The following TNN variants were observed in gnomAD, a reference collection of about 807,000 sequenced individuals.
TNN encodes the protein tenascin-N.
A neutral mutation model predicts 134.4 loss-of-function variants in TNN; 122 were observed. The ratio of observed to expected loss-of-function variants is 0.91; its 90% CI spans 0.78 to 1.06. The LOEUF is 1.06. Ranked by LOEUF, TNN falls within the 50% of genes least tolerant of loss-of-function variation. The pLI is 0.00. For missense variants in TNN, 1,739 were observed against 1,699.4 expected (o/e 1.02, Z -0.41); for synonymous variants, 710 against 670.3 (o/e 1.06, Z -0.91).
intron 17 of TNN, among the ~76,000 whole-genome samples, chr1:175,141,710 G>A (rs1340842849): frequency 6.6e-6 from 1 of 152,186 alleles, no homozygotes; most frequent in Non-Finnish European, 1.5e-5. Context: ...GTGAATCCTA[G>A]AGGGGGAGAG....
intron 9 of TNN, among the ~76,000 whole-genome samples, chr1:175,103,037 TAGA>T (rs538577569): frequency 6.8e-6 from 1 of 146,302 alleles, no homozygotes; most frequent in East Asian, 2.3e-4. Flanking sequence ...GGGTCCTCGG[TAGA>T]AGTTGTTAGT....
chr1:175,070,454 G>A (rs1673889591), intron 1 of TNN, among the ~76,000 whole-genome samples: 1 of 152,158 alleles, frequency 6.6e-6, no homozygotes, highest in Non-Finnish European at 1.5e-5. Context: ...CCAGGAAAAG[G>A]GTTCTAGCAC....
chr1:175,095,508 T>A (rs1037004783), intron 7 of TNN, among the ~76,000 whole-genome samples: 10 of 152,210 alleles, frequency 6.6e-5, no homozygotes, highest in African/African-American at 2.4e-4. Flanking sequence ...CACGTGACTC[T>A]CTGTTTACTA....
chr1:175,072,829 G>A (rs760943923), intron 1 of TNN, among the ~76,000 whole-genome samples: 1 of 151,966 alleles, frequency 6.6e-6, no homozygotes, highest in East Asian at 1.9e-4. Context: ...GCTCCAACAG[G>A]GACTTGTGGG....
Position 175,079,702 on chromosome 1 carries a change from C to A in TNN, c.779C>A (p.Ala260Asp). The change falls in exon 3 of 19, where the codon GCC (alanine) becomes GAC (aspartate). Residue 260 changes from alanine (A) to aspartate (D), a missense_variant. Physicochemically the swap from Ala to Asp is moderately radical, Grantham distance 126 (BLOSUM62 -2). Transcript: ENST00000239462. ...CEEGFTGLDC[A>D]QVVTPQGLQL... Reference sequence around the variant, plus strand: ...GAGGGCTTCACAGGCCTGGACTGTGCCCAGGGTGAGAGCGGAGATGTGCCC... The same window carrying A: ...GAGGGCTTCACAGGCCTGGACTGTGACCAGGGTGAGAGCGGAGATGTGCCC... 6.3e-7 allele frequency: 1 copy of A among 1,590,760 alleles called. No homozygotes were observed.
chr1:175,127,197 A>G (rs2072040), intron 13 of TNN, 112 bp downstream of exon 13: 576,399 of 1,308,596 alleles, frequency 0.44, 130,454 homozygotes, highest in East Asian at 0.66. Context: ...ATCTTTACTG[A>G]TCACATTGCT....
rs567771293 is a variant in TNN at position 175,093,529 on chromosome 1, G to A, written c.1325-461G>A. ...GATTTGTATTTGAAAAGAGAGAGAAGAGCATGTGTAGATAAAAGTGCCAGG... is the reference window on the plus strand; with the variant it reads ...GATTTGTATTTGAAAAGAGAGAGAAAAGCATGTGTAGATAAAAGTGCCAGG... On this transcript the variant is annotated intron_variant, in intron 6 of 18. Coordinates refer to ENST00000239462, the MANE Select transcript of TNN (RefSeq NM_022093.2). Among the ~76,000 whole-genome samples, 5 of 152,204 alleles carry A rather than the reference G, an allele frequency of 3.3e-5. No individual in the cohort carries two copies. In the East Asian group the frequency reaches 9.7e-4, roughly 29 times the overall value.
Position 175,147,013 on chromosome 1 carries a change from G to C in TNN, c.3842G>C (p.Arg1281Thr). 1 of 1,606,198 alleles carries C rather than the reference G, an allele frequency of 6.2e-7. No homozygotes were observed. The change falls in exon 19 of 19, where the codon AGG (arginine) becomes ACG (threonine). Residue 1281 changes from arginine to threonine, a missense_variant. Physicochemically the swap from Arg to Thr is moderately conservative, Grantham distance 71 (BLOSUM62 -1). Coordinates refer to ENST00000239462, the MANE Select transcript of TNN (RefSeq NM_022093.2). ...ELKIRPHGYS[R>T]EPVLGRKKRT... Reference sequence around the variant, plus strand: ...AAAATCCGCCCTCATGGCTACAGCAGGGAGCCTGTCCTGGGCAGAAAGAAG... The same window carrying C: ...AAAATCCGCCCTCATGGCTACAGCACGGAGCCTGTCCTGGGCAGAAAGAAG...
intron 9 of TNN, among the ~76,000 whole-genome samples, chr1:175,109,948 C>G (rs543364432): frequency 7.9e-5 from 12 of 152,124 alleles, no homozygotes; most frequent in African/African-American, 2.9e-4. Context: ...CTCATAGTGG[C>G]TGTACTAATT....
intron 16 of TNN, 147 bp downstream of exon 16, chr1:175,136,088 T>A: frequency 1.6e-6 from 1 of 624,298 alleles, no homozygotes; most frequent in Non-Finnish European, 2.9e-6. Context: ...AGGGTGTTGG[T>A]GGGCATGTTG....
Position 175,098,568 on chromosome 1 carries a change from A to G in TNN, c.2092A>G (p.Lys698Glu), listed in dbSNP as rs368500522. The change falls in exon 9 of 19, where the codon AAG (lysine) becomes GAG (glutamate). Residue 698 changes from lysine to glutamate, a missense_variant. Coordinates refer to ENST00000239462, the MANE Select transcript of TNN (RefSeq NM_022093.2). ...GGCCCAGAAGGGGGACCAGGAGAGC[A>G]AGAAGGCCGACACCAAGGCCCAGAC... ...VWAQKGDQES[K>E]KADTKAQTDI... The G allele has an allele frequency of 1.2e-6, 2 of 1,614,060 alleles. No individual in the cohort carries two copies. Among genetic ancestry groups the G allele is most frequent in the Non-Finnish European group, 1.7e-6 (2 of 1,180,024 alleles).
At chr1:175,101,524 G>C (rs12083762) in intron 9 of TNN, among the ~76,000 whole-genome samples, 95,828 of 147,762 alleles carry the variant, frequency 0.65, 32,930 homozygotes, top group African/African-American at 0.89. Flanking sequence ...TGCTTTTATT[G>C]TCTTTTCTGG....
At chr1:175,139,684 A>G (rs1428688084) in intron 17 of TNN, among the ~76,000 whole-genome samples, 1 of 152,246 alleles carries the variant, frequency 6.6e-6, no homozygotes, top group African/African-American at 2.4e-5. Flanking sequence ...CACACAAACC[A>G]GTAACATAAT....
At chr1:175,134,407 T>C (rs1296378859) in intron 15 of TNN, among the ~76,000 whole-genome samples, 2 of 152,028 alleles carry the variant, frequency 1.3e-5, no homozygotes, top group Non-Finnish European at 2.9e-5. Flanking sequence ...TAGCCGGGCA[T>C]GGTGGTGTGT....
intron 15 of TNN, among the ~76,000 whole-genome samples, chr1:175,132,775 T>G (rs1221266940): frequency 6.6e-6 from 1 of 152,218 alleles, no homozygotes; most frequent in Non-Finnish European, 1.5e-5. Context: ...TCTGGAGCCT[T>G]CTGCATCCAT....
At chr1:175,128,859 G>A in intron 15 of TNN, 113 bp downstream of exon 15, 1 of 1,180,028 alleles carries the variant, frequency 8.5e-7, no homozygotes, top group Non-Finnish European at 1.1e-6. Context: ...CTCCACCCAT[G>A]GAAGAGAGGA....
rs767050328 is a variant in TNN, at chr1:175,118,669, C to A, written c.2495C>A (p.Thr832Lys). Residue 832 changes from threonine to lysine, a missense_variant, in exon 11 of 19, where the codon ACG (threonine) becomes AAG (lysine). Coordinates refer to ENST00000239462, the MANE Select transcript of TNN (RefSeq NM_022093.2). ...ATTGACAGGTATGTGGTGCACTACA[C>A]GTCTGCCAACGGAGAGACCAGGGAG... is the stretch of plus-strand genomic sequence containing the variant. ...ATIDRYVVHY[T>K]SANGETREVP... 1.9e-6 allele frequency: 3 copies of A among 1,614,228 alleles called. No individual in the cohort carries two copies. Among genetic ancestry groups the A allele is most frequent in the Non-Finnish European group, 2.5e-6 (3 of 1,180,042 alleles).
chr1:175,103,895 AT>A (rs1674790311), intron 9 of TNN, among the ~76,000 whole-genome samples: 1 of 144,540 alleles, frequency 6.9e-6, no homozygotes, highest in South Asian at 2.3e-4. Flanking sequence ...GTTTTTTTGC[AT>A]TACGTGACTG....
chr1:175,107,868 C>G (rs960726868), intron 9 of TNN, among the ~76,000 whole-genome samples: 1 of 139,894 alleles, frequency 7.1e-6, no homozygotes, highest in Non-Finnish European at 1.5e-5. Flanking sequence ...CAGCTAGATA[C>G]AGAGTGTCGA....
Sources: allele counts gnomAD v4.1 joint callset (sites outside exome capture counted in the v4.1 genomes callset), GRCh38; gene constraint gnomAD v4.1.1; transcripts MANE v1.5; gene names NCBI Gene and HGNC (gene_info 2026-07-23, HGNC 2026-07-21).